Variants in GNAL observed in about 807,000 individuals in gnomAD.
GNAL encodes the protein guanine nucleotide-binding protein G(olf) subunit alpha.
Under a neutral mutation model 55.1 loss-of-function variants are expected in GNAL, and 18 were observed. The ratio of observed to expected loss-of-function variants is 0.33; its 90% CI spans 0.23 to 0.48. The LOEUF (loss-of-function observed/expected upper bound fraction) is 0.48, where lower values mean the gene tolerates loss of function less well. Among genes scored for constraint, GNAL ranks in the 20% least tolerant of loss-of-function variants. The pLI, the probability that GNAL is intolerant of heterozygous loss-of-function variation, is 0.99. For missense variants in GNAL, 412 were observed against 614.1 expected (o/e 0.67, Z 3.48); for synonymous variants, 253 against 237.0 (o/e 1.07, Z -0.62).
intron 5 of GNAL, chr18:11,852,730 A>G (rs1194096796): frequency 6.0e-6 from 1 of 166,502 alleles, no homozygotes; most frequent in Non-Finnish European, 1.5e-5. Flanking sequence ...TTTTTGCATA[A>G]TACTCTCTTA....
intron 4 of GNAL, among the ~76,000 whole-genome samples, chr18:11,816,059 A>G (rs1022763503): frequency 1.3e-5 from 2 of 152,188 alleles, no homozygotes; most frequent in East Asian, 1.9e-4. Context: ...ATGGAAAACA[A>G]TTTGACAATT....
Position 11,709,676 on chromosome 18 carries a change from AT to A in GNAL, c.376+19740del, listed in dbSNP as rs2031793840. On this transcript the variant is annotated intron_variant, in intron 1 of 11. Coordinates refer to ENST00000334049, the MANE Select transcript of GNAL (RefSeq NM_182978.4). ...TGTATCCTGCAACTTTGCTGAATTC[AT>A]TTATTAGTTCTAATAGTTTTTTGGT... 2.0e-5 allele frequency among the ~76,000 whole-genome samples: 3 copies of A among 152,288 alleles called. No homozygotes were observed. The South Asian group carries it at 6.2e-4, about 32-fold the overall frequency.
Position 11,884,690 on chromosome 18 carries a change from A to C in GNAL, c.*3555A>C. The stretch of plus-strand genomic sequence containing the variant: ...GGCACACGTTGAACACCGCAGTCTT[A>C]GAAACAGCAGAGGGAAGACTGCCTT... On this transcript the variant is annotated 3_prime_UTR_variant, in exon 12 of 12. Coordinates refer to ENST00000334049, the MANE Select transcript of GNAL (RefSeq NM_182978.4). 1 of 1,528,668 alleles carries C rather than the reference A, an allele frequency of 6.5e-7. No homozygotes were observed. Among genetic ancestry groups the C allele is most frequent in the Non-Finnish European group, 9.0e-7 (1 of 1,111,496 alleles). 94.7% of individuals were successfully genotyped at this position (1,528,668 alleles called of 1,614,324 possible). A position where few individuals can be genotyped will look rare whatever the true frequency, so the allele number is the denominator to read the frequency against.
chr18:11,734,072 A>G (rs1208169440), intron 1 of GNAL, among the ~76,000 whole-genome samples: 1 of 151,014 alleles, frequency 6.6e-6, no homozygotes, highest in African/African-American at 2.4e-5. Context: ...AGATGAAACC[A>G]TCTTTCCAGA....
rs2036400561 is a variant in GNAL at position 11,871,615 on chromosome 18, G to A, written c.1032-653G>A. 3.9e-5 allele frequency among the ~76,000 whole-genome samples: 6 copies of A among 152,324 alleles called. No homozygotes were observed. In the South Asian group the frequency reaches 1.2e-3, roughly 32 times the overall value. The stretch of plus-strand genomic sequence containing the variant: ...TCAGTTAGCTTGATTCCTTTGAAGT[G>A]ATGGAGGCGGAAGAAGAACCAAGCC... On this transcript the variant is annotated intron_variant, in intron 9 of 11. Coordinates refer to ENST00000334049, the MANE Select transcript of GNAL (RefSeq NM_182978.4).
chr18:11,768,963 AATATATT>A (rs1206641664), intron 4 of GNAL, among the ~76,000 whole-genome samples: 7 of 101,810 alleles, frequency 6.9e-5, no homozygotes, highest in Admixed American at 4.5e-4. Flanking sequence ...TGTTATATAT[AATATATT>A]ATATATATTA....
intron 8 of GNAL, 23 bp downstream of exon 8, chr18:11,867,249 A>G: frequency 7.0e-7 from 1 of 1,438,276 alleles, no homozygotes. Flanking sequence ...TGCTCTCTCA[A>G]GAAAATAGGA....
intron 1 of GNAL, among the ~76,000 whole-genome samples, chr18:11,728,179 A>C (rs2032254761): frequency 6.6e-6 from 1 of 151,932 alleles, no homozygotes; most frequent in African/African-American, 2.4e-5. Context: ...ACACCACTCC[A>C]CTCCAGCCTG....
chr18:11,813,254 TAAA>T (rs60626923), intron 4 of GNAL, among the ~76,000 whole-genome samples: 1 of 138,446 alleles, frequency 7.2e-6, no homozygotes, highest in Non-Finnish European at 1.5e-5. Context: ...GACTCCATCT[TAAA>T]AAAAAGAAAA....
rs375088362 is a variant in GNAL, at chr18:11,845,156, G to A, written c.723-17239G>A. 1.4e-4 allele frequency among the ~76,000 whole-genome samples: 21 copies of A among 152,242 alleles called. 1 individual carries two copies. The South Asian group carries it at 3.5e-3, about 26-fold the overall frequency. On this transcript the variant is annotated intron_variant, in intron 5 of 11. Transcript: ENST00000334049. The stretch of plus-strand genomic sequence containing the variant: ...TGGGATTACAGATGTGAGCCACCAC[G>A]CCCAGCCTCGCTATTTTTAACTTAT...
At chr18:11,690,184 C>T (rs1288400978) in intron 1 of GNAL, among the ~76,000 whole-genome samples, 1 of 152,150 alleles carries the variant, frequency 6.6e-6, no homozygotes, top group Non-Finnish European at 1.5e-5. Flanking sequence ...CCTCCCAGTG[C>T]CTTGAGCTTA....
chr18:11,737,241 T>C (rs1453559684), intron 1 of GNAL, among the ~76,000 whole-genome samples: 1 of 152,224 alleles, frequency 6.6e-6, no homozygotes, highest in Non-Finnish European at 1.5e-5. Context: ...ATCTGAGGAC[T>C]ACTATATATA....
chr18:11,760,294 A>C (rs2033199498), intron 4 of GNAL, among the ~76,000 whole-genome samples: 2 of 152,336 alleles, frequency 1.3e-5, no homozygotes, highest in South Asian at 4.1e-4. Context: ...GTCCCCACAC[A>C]TACAGCAAAA....
chr18:11,845,811 GAGAGAGAC>G (rs1187510759), intron 5 of GNAL, among the ~76,000 whole-genome samples: 1 of 147,714 alleles, frequency 6.8e-6, no homozygotes, highest in Non-Finnish European at 1.5e-5. Context: ...GGGAGAGGGG[GAGAGAGAC>G]AGAGAGAGAA....
In GNAL at chr18:11,861,963, T is replaced by TACACACACACACACACAC. The variant is rs56087854; in HGVS notation, c.723-422_723-405dup. ...GCTCTTACACATATTCACGCAGTCA[T>TACACACACACACACACAC]ACACACACACACACACACACACACA... On this transcript the variant is annotated intron_variant, in intron 5 of 11. Coordinates refer to ENST00000334049, the MANE Select transcript of GNAL (RefSeq NM_182978.4). Among the ~76,000 whole-genome samples, 197 of 148,162 alleles carry TACACACACACACACACAC rather than the reference T, an allele frequency of 1.3e-3. 1 individual carries two copies. The highest frequency in any genetic ancestry group is 2.1e-3 in the Non-Finnish European group (139 of 67,140).
At position 11,851,548 on chromosome 18, in the gene GNAL, T is replaced by A. The variant is rs779354092; in HGVS notation, c.723-10847T>A. On this transcript the variant is annotated intron_variant, in intron 5 of 11. Transcript: ENST00000334049. ...GGAGAAACACCTGTTCAACCTGAAG[T>A]TCGCGGCCAAAGAACTGAGTAGGAG... 32 of 1,607,902 alleles carry A rather than the reference T, an allele frequency of 2.0e-5. No homozygotes were observed. Among genetic ancestry groups the A allele is most frequent in the Non-Finnish European group, 2.2e-5 (26 of 1,177,618 alleles).
intron 4 of GNAL, among the ~76,000 whole-genome samples, chr18:11,816,280 G>A (rs1482546763): frequency 6.6e-6 from 1 of 151,958 alleles, no homozygotes. Flanking sequence ...ATAGAACTCA[G>A]CAATTTTTTT....
chr18:11,766,053 A>G (rs996041665), intron 4 of GNAL, among the ~76,000 whole-genome samples: 2 of 152,200 alleles, frequency 1.3e-5, no homozygotes, highest in African/African-American at 4.8e-5. Flanking sequence ...GCACTCTCTC[A>G]GGAATCAGTA....
chr18:11,790,893 G>A (rs112509440), intron 4 of GNAL, among the ~76,000 whole-genome samples: 10,451 of 151,990 alleles, frequency 0.069, 487 homozygotes, highest in African/African-American at 0.13. Flanking sequence ...TCCTGACCTC[G>A]TAATCCGCCT....
Sources: gnomAD v4.1 joint callset for allele counts (sites outside exome capture counted in the v4.1 genomes callset) on GRCh38, gnomAD v4.1.1 for gene constraint, MANE v1.5 for transcripts, NCBI Gene and HGNC (gene_info 2026-07-23, HGNC 2026-07-21) for gene names.